The following CAMTA1 variants were observed in gnomAD, a reference collection of about 807,000 sequenced individuals.
CAMTA1 encodes the protein calmodulin-binding transcription activator 1.
In CAMTA1, 27 loss-of-function variants were observed where a neutral mutation model predicts 170.9. The observed-to-expected ratio is 0.16, with a 90% CI of 0.12 to 0.22. CAMTA1 has a LOEUF of 0.22. Among genes scored for constraint, CAMTA1 ranks in the 10% least tolerant of loss-of-function variants. The pLI is 1.00. For synonymous variants in CAMTA1, 833 were observed against 891.5 expected (o/e 0.93, Z 1.17); for missense variants, 1,619 against 2,217.2 (o/e 0.73, Z 5.42).
chr1:7,067,102 C>T lies in CAMTA1; in HGVS notation c.235-24202C>T, dbSNP rs1709055482. Among the ~76,000 whole-genome samples, 1 of 152,248 alleles carries T rather than the reference C, an allele frequency of 6.6e-6. No homozygotes were observed. The highest frequency in any genetic ancestry group is 1.5e-5 in the Non-Finnish European group (1 of 68,048). ...TGTGCTTGGAATGCCCCAGTCCCCACACGGGGCACCCCCTTACCCATAGCA... is the reference window on the plus strand; with the variant it reads ...TGTGCTTGGAATGCCCCAGTCCCCATACGGGGCACCCCCTTACCCATAGCA... On this transcript the variant is annotated intron_variant, in intron 3 of 22. Coordinates refer to ENST00000303635, the MANE Select transcript of CAMTA1 (RefSeq NM_015215.4). This position sits in a 1 kb window ranked among gnomAD's most constrained non-coding sequence, Gnocchi z 4.3.
At chr1:7,334,967 G>C (rs761022455) in intron 5 of CAMTA1, among the ~76,000 whole-genome samples, 1 of 152,066 alleles carries the variant, frequency 6.6e-6, no homozygotes, top group African/African-American at 2.4e-5. Context: ...TGCACTCCGC[G>C]GACAATTTAA....
chr1:6,817,341 A>G (rs1645946765), intron 1 of CAMTA1, among the ~76,000 whole-genome samples: 1 of 152,196 alleles, frequency 6.6e-6, no homozygotes, highest in South Asian at 2.1e-4. Context: ...ACATCGTAAA[A>G]TTTCAAGTTT....
At chr1:7,667,239 T>G (rs1201326973) in intron 9 of CAMTA1, among the ~76,000 whole-genome samples, 2 of 151,816 alleles carry the variant, frequency 1.3e-5, no homozygotes, top group Non-Finnish European at 2.9e-5. Flanking sequence ...ACCTTCGGAG[T>G]GCCCACCACA....
chr1:7,568,418 A>ATCG (rs2095073588), intron 6 of CAMTA1, among the ~76,000 whole-genome samples: 5 of 148,744 alleles, frequency 3.4e-5, no homozygotes, highest in East Asian at 4.1e-4. Context: ...CATCACCATC[A>ATCG]TCATCACCAC....
In CAMTA1 at chr1:7,410,894, CGTCTGTGT is replaced by C. The variant is rs1355512801; in HGVS notation, c.439-56933_439-56926del. 3.7e-4 allele frequency among the ~76,000 whole-genome samples: 34 copies of C among 91,992 alleles called. 1 individual carries two copies. The South Asian group carries it at 5.2e-3, about 14-fold the overall frequency. The allele number at this position is 91,992 out of a possible 152,430, so 60.4% of individuals were successfully genotyped here. On this transcript the variant is annotated intron_variant, in intron 5 of 22. Transcript: ENST00000303635. ...GTTCCCAACGTGCATGGAGGGTGGG[CGTCTGTGT>C]GTGTGTGTGTGTGTGTGTGTGTATG...
intron 2 of CAMTA1, among the ~76,000 whole-genome samples, chr1:6,822,463 C>T (rs1449930335): frequency 6.6e-6 from 1 of 152,010 alleles, no homozygotes; most frequent in Non-Finnish European, 1.5e-5. Flanking sequence ...ACTCGCAATC[C>T]TTATAATGTA....
At chr1:7,450,130 C>T (rs1313125188) in intron 5 of CAMTA1, among the ~76,000 whole-genome samples, 3 of 152,156 alleles carry the variant, frequency 2.0e-5, no homozygotes, top group Admixed American at 6.5e-5. Context: ...GCCACCATCC[C>T]GCAAGCCATG....
intron 1 of CAMTA1, among the ~76,000 whole-genome samples, chr1:6,815,881 A>G (rs1333518901): frequency 1.3e-5 from 2 of 152,174 alleles, no homozygotes; most frequent in African/African-American, 2.4e-5. Flanking sequence ...CCGCATGCAC[A>G]TTACATTTGG....
chr1:6,904,086 C>G (rs551715946), intron 3 of CAMTA1, among the ~76,000 whole-genome samples: 29 of 152,330 alleles, frequency 1.9e-4, no homozygotes, highest in Non-Finnish European at 3.7e-4. Context: ...TAAGTTTCTC[C>G]TGGCCCTTCC....
intron 5 of CAMTA1, among the ~76,000 whole-genome samples, chr1:7,347,351 G>C (rs779348120): frequency 6.6e-6 from 1 of 152,148 alleles, no homozygotes; most frequent in Non-Finnish European, 1.5e-5. Flanking sequence ...AGAGTGGTCC[G>C]GTGCCCAGGC....
chr1:6,904,618 T>C (rs1571566042), intron 3 of CAMTA1, among the ~76,000 whole-genome samples: 1 of 150,458 alleles, frequency 6.6e-6, no homozygotes, highest in Non-Finnish European at 1.5e-5. Flanking sequence ...TGCAGTAGCA[T>C]GAACAACATA....
intron 6 of CAMTA1, among the ~76,000 whole-genome samples, chr1:7,594,125 AAG>A (rs1281904607): frequency 6.7e-6 from 1 of 149,780 alleles, no homozygotes; most frequent in Admixed American, 6.6e-5. Context: ...GAGAGAAAGA[AAG>A]AAAGAAAGAA....
rs1005542789 is a variant in CAMTA1 at position 6,995,591 on chromosome 1, C to T, written c.235-95713C>T. On this transcript the variant is annotated intron_variant, in intron 3 of 22. Coordinates refer to ENST00000303635, the MANE Select transcript of CAMTA1 (RefSeq NM_015215.4). ...TGCTGGGATTACAGGCGTGAGCCACCGCACCTGGCCTAAAATCTTTGTCTT... is the reference window on the plus strand; with the variant it reads ...TGCTGGGATTACAGGCGTGAGCCACTGCACCTGGCCTAAAATCTTTGTCTT... Among the ~76,000 whole-genome samples the T allele has an allele frequency of 7.2e-5, 11 of 152,174 alleles. No individual in the cohort carries two copies. In the East Asian group the frequency reaches 1.7e-3, roughly 24 times the overall value.
chr1:7,411,968 C>G (rs1362071817), intron 5 of CAMTA1, among the ~76,000 whole-genome samples: 2 of 143,546 alleles, frequency 1.4e-5, no homozygotes, highest in East Asian at 4.2e-4. Context: ...TCCATGTGTT[C>G]TCATTGTTCA....
intron 6 of CAMTA1, among the ~76,000 whole-genome samples, chr1:7,578,508 C>T (rs896496137): frequency 3.3e-5 from 5 of 152,246 alleles, no homozygotes; most frequent in African/African-American, 1.2e-4. Context: ...CACCTGCCCT[C>T]CGCCCCTACC....
At chr1:7,466,167 T>G (rs72642847) in intron 5 of CAMTA1, among the ~76,000 whole-genome samples, 2 of 152,140 alleles carry the variant, frequency 1.3e-5, no homozygotes, top group African/African-American at 2.4e-5. Context: ...TGTCTAGACA[T>G]GCGTCTCCTT....
At chr1:7,011,740 C>T (rs1699840249) in intron 3 of CAMTA1, among the ~76,000 whole-genome samples, 1 of 152,200 alleles carries the variant, frequency 6.6e-6, no homozygotes, top group Admixed American at 6.5e-5. Context: ...GTAACCTCTA[C>T]AAGGCGAGAA....
rs1699100558 is a variant in CAMTA1, at chr1:7,007,019, A to AT, written c.235-84285_235-84284insT. ...CAGATGGTAGTAAAAAAAAAAAAAA[A>AT]AAATAAGAATTTTTGGATACGGTAT... On this transcript the variant is annotated intron_variant, in intron 3 of 22. Coordinates refer to ENST00000303635, the MANE Select transcript of CAMTA1 (RefSeq NM_015215.4). The surrounding 1 kb of genome is among the most constrained non-coding windows in gnomAD (Gnocchi z 4.5). Among the ~76,000 whole-genome samples, 1 of 151,688 alleles carries AT rather than the reference A, an allele frequency of 6.6e-6. No homozygotes were observed. Among genetic ancestry groups the AT allele is most frequent in the African/African-American group, 2.4e-5 (1 of 41,250 alleles).
intron 4 of CAMTA1, among the ~76,000 whole-genome samples, chr1:7,191,287 T>A (rs957104597): frequency 6.6e-6 from 1 of 152,240 alleles, no homozygotes; most frequent in Non-Finnish European, 1.5e-5. Flanking sequence ...TCATAGTTTA[T>A]CCTAAAGTTG....
Sources: allele counts gnomAD v4.1 joint callset (sites outside exome capture counted in the v4.1 genomes callset), GRCh38; gene constraint gnomAD v4.1.1; non-coding constraint Gnocchi (gnomAD v3.1); transcripts MANE v1.5; gene names NCBI Gene and HGNC (gene_info 2026-07-23, HGNC 2026-07-21).